MRTFB: variants seen among roughly 807,000 people sequenced by gnomAD.
The protein encoded by MRTFB is myocardin related transcription factor B, also known as myocardin-related transcription factor B.
In MRTFB, 29 loss-of-function variants were observed where a neutral mutation model predicts 104.2. The observed-to-expected ratio is 0.28, with a 90% CI of 0.21 to 0.38. The LOEUF is 0.38. Among genes scored for constraint, MRTFB ranks in the 10% least tolerant of loss-of-function variants. MRTFB has a pLI of 1.00. For synonymous variants in MRTFB, 535 were observed against 519.5 expected (o/e 1.03, Z -0.41); for missense variants, 1,270 against 1,341.6 (o/e 0.95, Z 0.83).
At chr16:14,195,634 T>C in intron 3 of MRTFB, 1 of 898,510 alleles carries the variant, frequency 1.1e-6, no homozygotes, top group Non-Finnish European at 1.3e-6. Context: ...TTTCGTTAAT[T>C]GTTCTTTTAT....
At chr16:14,130,563 A>G (rs2037387504) in intron 2 of MRTFB, among the ~76,000 whole-genome samples, 1 of 152,238 alleles carries the variant, frequency 6.6e-6, no homozygotes, top group African/African-American at 2.4e-5. Context: ...CCAGTGGTGT[A>G]TGTTATTAAA....
rs529835471 is a variant in MRTFB, at chr16:14,131,818, A to G, written c.-63-8726A>G. 5.9e-5 allele frequency among the ~76,000 whole-genome samples: 9 copies of G among 152,224 alleles called. No homozygotes were observed. In the East Asian group the frequency reaches 7.7e-4, roughly 13 times the overall value. ...AGAATGTGGAGAAGTTGGAACCCCA[A>G]CTTTTGCTGGTGGGAATGTAAAATG... is the stretch of plus-strand genomic sequence containing the variant. On this transcript the variant is annotated intron_variant, in intron 2 of 16. Transcript: ENST00000571589.
chr16:14,122,706 T>G (rs1437754810), intron 2 of MRTFB, among the ~76,000 whole-genome samples: 1 of 152,176 alleles, frequency 6.6e-6, no homozygotes, highest in Non-Finnish European at 1.5e-5. Flanking sequence ...GACATTTGGG[T>G]TGGTTTCAAG....
Position 14,263,861 on chromosome 16 carries a change from C to A in MRTFB, c.*2417C>A, listed in dbSNP as rs1419931637. Reference sequence around the variant, plus strand: ...CACTTGCACCATTCCGCTTGACCCTCCTCTCTCCTGGCTTGGGTCACCAGC... The same window carrying A: ...CACTTGCACCATTCCGCTTGACCCTACTCTCTCCTGGCTTGGGTCACCAGC... On this transcript the variant is annotated 3_prime_UTR_variant, in exon 17 of 17. Coordinates refer to ENST00000571589, the MANE Select transcript of MRTFB (RefSeq NM_001308142.2). The A allele has an allele frequency of 1.3e-5, 2 of 152,240 alleles. No homozygotes were observed. Among genetic ancestry groups the A allele is most frequent in the Non-Finnish European group, 2.9e-5 (2 of 68,074 alleles). 9.4% of individuals were successfully genotyped at this position (152,240 alleles called of 1,614,324 possible).
At chr16:14,110,881 T>C (rs1167372627) in intron 2 of MRTFB, among the ~76,000 whole-genome samples, 1 of 152,150 alleles carries the variant, frequency 6.6e-6, no homozygotes, top group Non-Finnish European at 1.5e-5. Flanking sequence ...CCGTCCCATC[T>C]CATGCTCTGA....
At position 14,177,651 on chromosome 16, in the gene MRTFB, C is replaced by G. The variant is rs1321319720; in HGVS notation, c.155-32592C>G. On this transcript the variant is annotated intron_variant, in intron 3 of 16. Coordinates refer to ENST00000571589, the MANE Select transcript of MRTFB (RefSeq NM_001308142.2). This position sits in a 1 kb window ranked among gnomAD's most constrained non-coding sequence, Gnocchi z 4.7. Reference sequence around the variant, plus strand: ...ACCAGCCTGAGCAACATAGCAAGACCTCATCTCTACTAAAAAACAAAATTA... The same window carrying G: ...ACCAGCCTGAGCAACATAGCAAGACGTCATCTCTACTAAAAAACAAAATTA... 6.6e-6 allele frequency among the ~76,000 whole-genome samples: 1 copy of G among 151,946 alleles called. No homozygotes were observed. Among genetic ancestry groups the G allele is most frequent in the Non-Finnish European group, 1.5e-5 (1 of 67,994 alleles).
At chr16:14,171,841 C>A (rs758894063) in intron 3 of MRTFB, among the ~76,000 whole-genome samples, 1 of 152,094 alleles carries the variant, frequency 6.6e-6, no homozygotes, top group African/African-American at 2.4e-5. Flanking sequence ...TAAAAAATAC[C>A]TACAAACTGG....
chr16:14,057,149 G>T, the MRTFB span, among the ~76,000 whole-genome samples: 1 of 152,138 alleles, frequency 6.6e-6, no homozygotes, highest in African/African-American at 2.4e-5. Flanking sequence ...CGGCAGTGGG[G>T]GTGCAAGAGG....
At chr16:14,239,117 C>T (rs1429997239) in intron 9 of MRTFB, among the ~76,000 whole-genome samples, 2 of 152,096 alleles carry the variant, frequency 1.3e-5, no homozygotes, top group South Asian at 2.1e-4. Context: ...GTAAAAATGG[C>T]CATAAAAATC....
intron 1 of MRTFB, among the ~76,000 whole-genome samples, chr16:14,072,624 G>T (rs1338523319): frequency 6.6e-6 from 1 of 152,192 alleles, no homozygotes; most frequent in East Asian, 1.9e-4. Flanking sequence ...GTTAAAGGCT[G>T]CAGTGAGCTG....
intron 3 of MRTFB, chr16:14,195,431 T>A (rs1000194542): frequency 9.5e-6 from 7 of 740,192 alleles, no homozygotes; most frequent in African/African-American, 1.9e-5. Flanking sequence ...TGTGTATATA[T>A]ATACATAGGT....
intron 9 of MRTFB, among the ~76,000 whole-genome samples, chr16:14,235,791 A>G (rs1003754646): frequency 1.3e-5 from 2 of 152,270 alleles, no homozygotes; most frequent in East Asian, 1.9e-4. Flanking sequence ...TGGGACAATT[A>G]TTTTATCACT....
intron 8 of MRTFB, among the ~76,000 whole-genome samples, chr16:14,229,414 CTTAGT>C (rs1488591371): frequency 1.3e-5 from 2 of 152,202 alleles, no homozygotes; most frequent in Non-Finnish European, 2.9e-5. Context: ...ATTTTGCCAT[CTTAGT>C]TAAGAACTCT....
At chr16:14,251,129 C>G (rs960191261) in intron 13 of MRTFB, among the ~76,000 whole-genome samples, 5 of 152,168 alleles carry the variant, frequency 3.3e-5, no homozygotes, top group Non-Finnish European at 4.4e-5. Context: ...GTAATCCCAG[C>G]ACTTTGGGAG....
chr16:14,226,772 G>C (rs768439367), intron 8 of MRTFB, among the ~76,000 whole-genome samples: 1 of 152,010 alleles, frequency 6.6e-6, no homozygotes, highest in Non-Finnish European at 1.5e-5. Flanking sequence ...GCCAGGAGTT[G>C]AAGACCAACC....
At chr16:14,006,847 C>A in the MRTFB span, among the ~76,000 whole-genome samples, 3 of 151,950 alleles carry the variant, frequency 2.0e-5, no homozygotes, top group South Asian at 6.2e-4. Context: ...AAGACCTCAT[C>A]TCTACAAAAA....
At chr16:14,031,940 T>C in the MRTFB span, among the ~76,000 whole-genome samples, 1 of 152,292 alleles carries the variant, frequency 6.6e-6, no homozygotes, top group East Asian at 1.9e-4. Context: ...CTCAAATAGC[T>C]TGGATTACAG....
intron 3 of MRTFB, among the ~76,000 whole-genome samples, chr16:14,207,451 A>G (rs2040999736): frequency 6.6e-6 from 1 of 152,202 alleles, no homozygotes; most frequent in Non-Finnish European, 1.5e-5. Context: ...GTTCTCCTAA[A>G]TGTCCTGAGT....
At chr16:14,130,829 C>T (rs1039607939) in intron 2 of MRTFB, among the ~76,000 whole-genome samples, 9 of 152,244 alleles carry the variant, frequency 5.9e-5, no homozygotes, top group African/African-American at 2.2e-4. Flanking sequence ...CATCCTTCTT[C>T]ACGGAACAGC....
Sources: allele counts gnomAD v4.1 joint callset (sites outside exome capture counted in the v4.1 genomes callset), GRCh38; gene constraint gnomAD v4.1.1; non-coding constraint Gnocchi (gnomAD v3.1); transcripts MANE v1.5; gene names NCBI Gene and HGNC (gene_info 2026-07-23, HGNC 2026-07-21).